Variants in FRRS1 observed in about 807,000 individuals in gnomAD.
The protein encoded by FRRS1 is ferric chelate reductase 1.
A neutral mutation model predicts 70.7 loss-of-function variants in FRRS1; 51 were observed. The observed-to-expected ratio is 0.72, with a 90% CI of 0.58 to 0.91. The LOEUF (loss-of-function observed/expected upper bound fraction) is 0.91. Among genes scored for constraint, FRRS1 ranks in the 40% least tolerant of loss-of-function variants. FRRS1 has a pLI of 0.00. For synonymous variants in FRRS1, 225 were observed against 238.7 expected (o/e 0.94, Z 0.53); for missense variants, 672 against 726.0 (o/e 0.93, Z 0.86).
rs1358280717 is a variant in FRRS1 at position 99,705,319 on chromosome 1, G to A, written c.*3709C>T. Among the ~76,000 whole-genome samples, 1 of 152,250 alleles carries A rather than the reference G, an allele frequency of 6.6e-6. No individual in the cohort carries two copies. Among genetic ancestry groups the A allele is most frequent in the Non-Finnish European group, 1.5e-5 (1 of 68,038 alleles). On this transcript the variant is annotated 3_prime_UTR_variant, in exon 17 of 17. Coordinates refer to ENST00000646001, the MANE Select transcript of FRRS1 (RefSeq NM_001361041.2). ...GGTAACCATCTGTGACCTGGGTGCA[G>A]AGATGAGCTTGGTAGGGGCTGCACA...
intron 1 of FRRS1, among the ~76,000 whole-genome samples, chr1:99,755,405 G>A (rs1656782648): frequency 6.6e-6 from 1 of 152,026 alleles, no homozygotes; most frequent in African/African-American, 2.4e-5. Flanking sequence ...CCAGCCTGGG[G>A]TCGGAGGGGG....
At position 99,712,150 on chromosome 1, in the gene FRRS1, T is replaced by A. The variant is rs746620454; in HGVS notation, c.1435A>T (p.Asn479Tyr). The A allele has an allele frequency of 6.2e-7, 1 of 1,610,056 alleles. No individual in the cohort carries two copies. The highest frequency in any genetic ancestry group is 2.2e-5 in the East Asian group (1 of 44,760). ...PLHDPRRQMF[N>Y]WTHWSMGTAA... ...GTTCCCATACTCCAATGAGTCCAGT[T>A]AAACATTTGCCTTCTACCAAAATAA... The change falls in exon 14 of 17, where the codon AAC (asparagine) becomes TAC (tyrosine). Residue 479 changes from asparagine (N) to tyrosine (Y), a missense_variant. Transcript: ENST00000646001.
At chr1:99,736,523 A>G (rs1571127906) in intron 7 of FRRS1, among the ~76,000 whole-genome samples, 1 of 151,490 alleles carries the variant, frequency 6.6e-6, no homozygotes, top group East Asian at 1.9e-4. Flanking sequence ...GCAAGGACAA[A>G]AAACCAAACA....
At chr1:99,724,388 T>A (rs993281663) in intron 9 of FRRS1, among the ~76,000 whole-genome samples, 3 of 152,252 alleles carry the variant, frequency 2.0e-5, no homozygotes, top group Non-Finnish European at 4.4e-5. Flanking sequence ...GTGATTTCTA[T>A]CTTTCAGTTT....
At chr1:99,747,463 C>T (rs1274994151) in intron 3 of FRRS1, 33 bp from the exon 4 acceptor site, 2 of 1,590,264 alleles carry the variant, frequency 1.3e-6, no homozygotes, top group Admixed American at 1.8e-5. Flanking sequence ...GGTTAAAAAG[C>T]TTAGTAATAT....
chr1:99,734,911 T>G (rs1350405446), intron 7 of FRRS1, among the ~76,000 whole-genome samples: 1 of 152,094 alleles, frequency 6.6e-6, no homozygotes, highest in African/African-American at 2.4e-5. Flanking sequence ...ATTGGGGACA[T>G]CCTGGAATTG....
chr1:99,715,571 T>C lies in FRRS1; in HGVS notation c.1323+15A>G. The C allele has an allele frequency of 6.7e-7, 1 of 1,495,976 alleles. No homozygotes were observed. The highest frequency in any genetic ancestry group is 9.3e-7 in the Non-Finnish European group (1 of 1,077,066). The allele number at this position is 1,495,976 out of a possible 1,614,324, so 92.7% of individuals were successfully genotyped here. A position where few individuals can be genotyped will look rare whatever the true frequency, so the allele number is the denominator to read the frequency against. On this transcript the variant is annotated intron_variant, in intron 12 of 16. Transcript: ENST00000646001. ...AATGGATTTATAAAAAAAACCCTAT[T>C]TAAGATATACTTACCCTACTCCAGC... is the stretch of plus-strand genomic sequence containing the variant.
chr1:99,751,317 TA>T (rs1174433838), intron 1 of FRRS1, among the ~76,000 whole-genome samples: 1 of 152,206 alleles, frequency 6.6e-6, no homozygotes, highest in Non-Finnish European at 1.5e-5. Context: ...GCAGCTTTCC[TA>T]GTTCTCCAAC....
In FRRS1 at chr1:99,734,885, T is replaced by A. The variant is rs116188232; in HGVS notation, c.759+3201A>T. Among the ~76,000 whole-genome samples the A allele has an allele frequency of 5.3e-3, 804 of 152,142 alleles. 13 individuals carry two copies. In the South Asian group the frequency reaches 0.061, roughly 12 times the overall value. ...TGCAGCTGGAAATCACAGTCTGGAG[T>A]CCAAGGGAGTTCAGGATTGGGGACA... On this transcript the variant is annotated intron_variant, in intron 7 of 16. Coordinates refer to ENST00000646001, the MANE Select transcript of FRRS1 (RefSeq NM_001361041.2).
At chr1:99,729,337 C>T (rs929564036) in intron 8 of FRRS1, among the ~76,000 whole-genome samples, 5 of 131,788 alleles carry the variant, frequency 3.8e-5, no homozygotes, top group Middle Eastern at 3.9e-3. Context: ...CTTAGAAACC[C>T]GTCTGTAAGC....
chr1:99,743,400 G>A lies in FRRS1; in HGVS notation c.334-1127C>T, dbSNP rs183284415. On this transcript the variant is annotated intron_variant, in intron 4 of 16. Coordinates refer to ENST00000646001, the MANE Select transcript of FRRS1 (RefSeq NM_001361041.2). ...TTTTCAATATATATATTAGAAAAGC[G>A]TTTGGAGGTTTTCAACAATTTGAAA... 9.9e-4 allele frequency among the ~76,000 whole-genome samples: 150 copies of A among 152,144 alleles called. No individual in the cohort carries two copies. In the East Asian group the frequency reaches 0.014, roughly 15 times the overall value.
rs1654011378 is a variant in FRRS1 at position 99,705,438 on chromosome 1, T to G, written c.*3590A>C. Among the ~76,000 whole-genome samples the G allele has an allele frequency of 6.6e-6, 1 of 152,244 alleles. No homozygotes were observed. Among genetic ancestry groups the G allele is most frequent in the African/African-American group, 2.4e-5 (1 of 41,474 alleles). ...AAGAATCTTTCCTTTCATTCCAACCTATAATGGATTATCTTAAACAAGGAC... is the reference window on the plus strand; with the variant it reads ...AAGAATCTTTCCTTTCATTCCAACCGATAATGGATTATCTTAAACAAGGAC... On this transcript the variant is annotated 3_prime_UTR_variant, in exon 17 of 17. Transcript: ENST00000646001.
chr1:99,710,658 A>G, intron 15 of FRRS1, 148 bp downstream of exon 15: 1 of 634,904 alleles, frequency 1.6e-6, no homozygotes, highest in Non-Finnish European at 2.7e-6. Context: ...AAAGGCAGAA[A>G]ATCACAATTT....
intron 4 of FRRS1, among the ~76,000 whole-genome samples, chr1:99,744,620 C>T (rs1370916087): frequency 6.6e-6 from 1 of 152,060 alleles, no homozygotes; most frequent in Non-Finnish European, 1.5e-5. Context: ...AACCCCATCT[C>T]TACTAAAAAT....
At chr1:99,729,587 G>T in intron 8 of FRRS1, 63 bp downstream of exon 8, 1 of 1,024,612 alleles carries the variant, frequency 9.8e-7, no homozygotes, top group Non-Finnish European at 1.5e-6. Context: ...AGCCACGCCA[G>T]TGATAGCCAC....
chr1:99,761,931 T>C (rs376354149), intron 1 of FRRS1, among the ~76,000 whole-genome samples: 1 of 152,336 alleles, frequency 6.6e-6, no homozygotes, highest in African/African-American at 2.4e-5. Context: ...GTCAAGGACT[T>C]AGTATGCATT....
intron 15 of FRRS1, 53 bp downstream of exon 15, chr1:99,710,753 C>A (rs1257100142): frequency 6.6e-7 from 1 of 1,524,294 alleles, no homozygotes; most frequent in Non-Finnish European, 8.9e-7. Flanking sequence ...CATTCTTTTC[C>A]AATGGTTTGT....
intron 12 of FRRS1, among the ~76,000 whole-genome samples, chr1:99,712,784 A>C (rs952912840): frequency 7.2e-5 from 11 of 152,316 alleles, no homozygotes; most frequent in African/African-American, 2.6e-4. Flanking sequence ...AGGCTCAGAG[A>C]TATCAAGAAC....
In FRRS1 at chr1:99,706,920, G is replaced by A. The variant is rs1341002747; in HGVS notation, c.*2108C>T. Among the ~76,000 whole-genome samples, 1 of 151,686 alleles carries A rather than the reference G, an allele frequency of 6.6e-6. No individual in the cohort carries two copies. Among genetic ancestry groups the A allele is most frequent in the Non-Finnish European group, 1.5e-5 (1 of 67,934 alleles). Reference sequence around the variant, plus strand: ...AAAAAAAAAGAGAGAATTTTTCTTTGTCAGATGTAGAATATAACTTAAGAG... The same window carrying A: ...AAAAAAAAAGAGAGAATTTTTCTTTATCAGATGTAGAATATAACTTAAGAG... On this transcript the variant is annotated 3_prime_UTR_variant, in exon 17 of 17. Coordinates refer to ENST00000646001, the MANE Select transcript of FRRS1 (RefSeq NM_001361041.2).
Sources: gnomAD v4.1 joint callset for allele counts (sites outside exome capture counted in the v4.1 genomes callset) on GRCh38, gnomAD v4.1.1 for gene constraint, MANE v1.5 for transcripts, NCBI Gene and HGNC (gene_info 2026-07-23, HGNC 2026-07-21) for gene names.